The following SPMIP7 variants were observed in gnomAD, a reference collection of about 807,000 sequenced individuals.
SPMIP7 encodes sperm microtubule inner protein 7.
At chr7:50,109,065 C>G in the SPMIP7 span, among the ~76,000 whole-genome samples, 2 of 152,100 alleles carry the variant, frequency 1.3e-5, no homozygotes, top group African/African-American at 2.4e-5. Context: ...CACTTTCATA[C>G]CAGTTGCTTT....
At chr7:50,140,083 T>G in the SPMIP7 span, 1 of 1,133,086 alleles carries the variant, frequency 8.8e-7, no homozygotes, top group South Asian at 1.6e-5. Context: ...CTGTAATAAT[T>G]TGATGTTTAT....
At chr7:50,107,778 G>A in the SPMIP7 span, among the ~76,000 whole-genome samples, 1 of 152,178 alleles carries the variant, frequency 6.6e-6, no homozygotes, top group African/African-American at 2.4e-5. Flanking sequence ...CATTGAGGAT[G>A]AGTTATGGTT....
the SPMIP7 span, among the ~76,000 whole-genome samples, chr7:50,128,415 T>C: frequency 6.6e-6 from 1 of 151,936 alleles, no homozygotes; most frequent in Admixed American, 6.6e-5. Flanking sequence ...GGGGTGACTA[T>C]AGTTAACAAT....
At chr7:50,125,115 T>TATATATATATATACACACAC in the SPMIP7 span, among the ~76,000 whole-genome samples, 8 of 25,416 alleles carry the variant, frequency 3.1e-4, no homozygotes, top group South Asian at 1.1e-3. Context: ...TATATATATA[T>TATATATATATATACACACAC]ACACACACAC....
the SPMIP7 span, among the ~76,000 whole-genome samples, chr7:50,108,187 T>C: frequency 2.0e-5 from 3 of 152,172 alleles, no homozygotes; most frequent in Non-Finnish European, 2.9e-5. Context: ...ATAGTAAAGA[T>C]ATCAAAGAGC....
the SPMIP7 span, among the ~76,000 whole-genome samples, chr7:50,097,605 T>C: frequency 6.0e-3 from 917 of 151,958 alleles, 10 homozygotes; most frequent in African/African-American, 0.021. Context: ...CTATTCTCTT[T>C]ATGCCTGTGT....
At chr7:50,151,413 T>C in the SPMIP7 span, 1 of 1,406,624 alleles carries the variant, frequency 7.1e-7, no homozygotes. Context: ...ATCATTTTAA[T>C]TTCCTCTTTT....
chr7:50,131,166 T>TG, the SPMIP7 span, among the ~76,000 whole-genome samples: 1 of 152,060 alleles, frequency 6.6e-6, no homozygotes, highest in South Asian at 2.1e-4. Flanking sequence ...AATGGTAGCT[T>TG]GGGGGAGAGT....
chr7:50,121,602 C>T, the SPMIP7 span, among the ~76,000 whole-genome samples: 1 of 151,812 alleles, frequency 6.6e-6, no homozygotes, highest in South Asian at 2.1e-4. Flanking sequence ...TTTCACGAAT[C>T]TTTTTTTTCT....
the SPMIP7 span, among the ~76,000 whole-genome samples, chr7:50,133,915 A>G: frequency 6.6e-6 from 1 of 152,110 alleles, no homozygotes; most frequent in African/African-American, 2.4e-5. Context: ...ATCACATAAC[A>G]CAGGAGTACT....
At chr7:50,138,930 T>C in the SPMIP7 span, among the ~76,000 whole-genome samples, 133 of 152,332 alleles carry the variant, frequency 8.7e-4, no homozygotes, top group East Asian at 0.02. Context: ...CTAAAAATGA[T>C]GTGCAAGATT....
the SPMIP7 span, among the ~76,000 whole-genome samples, chr7:50,125,125 C>T: frequency 4.4e-4 from 25 of 57,230 alleles, 1 homozygote; most frequent in Non-Finnish European, 7.2e-4. Flanking sequence ...TACACACACA[C>T]ACACACACAC....
the SPMIP7 span, among the ~76,000 whole-genome samples, chr7:50,154,996 A>T: frequency 1.3e-5 from 2 of 152,334 alleles, no homozygotes; most frequent in Admixed American, 1.3e-4. Context: ...CTTTGGGGAC[A>T]TGCCTGTTCA....
the SPMIP7 span, among the ~76,000 whole-genome samples, chr7:50,140,896 G>A: frequency 6.6e-6 from 1 of 152,168 alleles, no homozygotes; most frequent in Admixed American, 6.5e-5. Context: ...CTGCACCTGT[G>A]AGGGTTTCCA....
At chr7:50,117,487 T>G in the SPMIP7 span, 1 of 245,482 alleles carries the variant, frequency 4.1e-6, no homozygotes, top group Non-Finnish European at 8.4e-6. Context: ...TAACACCTTC[T>G]GGAATTCTTC....
chr7:50,109,546 T>G, the SPMIP7 span, among the ~76,000 whole-genome samples: 692 of 152,196 alleles, frequency 4.5e-3, 2 homozygotes, highest in African/African-American at 0.016. Context: ...TGGCTATGTT[T>G]TGTATTTTTA....
chr7:50,151,819 A>C, the SPMIP7 span, among the ~76,000 whole-genome samples: 1 of 152,196 alleles, frequency 6.6e-6, no homozygotes, highest in Non-Finnish European at 1.5e-5. Context: ...TGTTATTACG[A>C]ATGTGGCCAA....
At chr7:50,111,225 G>A in the SPMIP7 span, among the ~76,000 whole-genome samples, 4 of 151,730 alleles carry the variant, frequency 2.6e-5, no homozygotes, top group African/African-American at 9.7e-5. Context: ...CTGTGGATAA[G>A]AGTGGTTGTT....
At chr7:50,137,992 A>G in the SPMIP7 span, among the ~76,000 whole-genome samples, 1 of 152,072 alleles carries the variant, frequency 6.6e-6, no homozygotes, top group African/African-American at 2.4e-5. Flanking sequence ...GAAGTTTTGA[A>G]TTTTACTGTA....
Sources: gnomAD v4.1 joint callset for allele counts (sites outside exome capture counted in the v4.1 genomes callset) on GRCh38, gnomAD v4.1.1 for gene constraint, MANE v1.5 for transcripts, NCBI Gene and HGNC (gene_info 2026-07-23, HGNC 2026-07-21) for gene names.